SSX2IP: variants seen among roughly 807,000 people sequenced by gnomAD.
SSX2IP encodes SSX family member 2 interacting protein.
Under a neutral mutation model 84.9 loss-of-function variants are expected in SSX2IP, and 55 were observed. The ratio of observed to expected loss-of-function variants is 0.65; its 90% confidence interval spans 0.52 to 0.81. The LOEUF (loss-of-function observed/expected upper bound fraction) is 0.81, where lower values mean the gene tolerates loss of function less well. SSX2IP is among the 30% of genes least tolerant of loss of function. The pLI, the probability that SSX2IP is intolerant of heterozygous loss-of-function variation, is 0.00. For synonymous variants in SSX2IP, 239 were observed against 234.7 expected, an observed-to-expected ratio of 1.02 and a Z score of -0.17; for missense variants, 664 against 705.2, an observed-to-expected ratio of 0.94 and a Z score of 0.66.
chr1:84,679,812 ACT>A (rs1481523289), intron 1 of SSX2IP, among the ~76,000 whole-genome samples: 3 of 152,082 alleles, frequency 2.0e-5, no homozygotes, highest in East Asian at 3.8e-4. Context: ...TCACAACAAC[ACT>A]GTTATTTTTT....
intron 1 of SSX2IP, among the ~76,000 whole-genome samples, chr1:84,688,561 T>C (rs961171948): frequency 1.2e-4 from 18 of 152,218 alleles, no homozygotes; most frequent in Non-Finnish European, 2.2e-4. Flanking sequence ...AAAACCGGTG[T>C]CACGGCCTGC....
chr1:84,662,508 G>A lies in SSX2IP; in HGVS notation c.696C>T (p.Val232=), dbSNP rs776814808. ...KKIAMDILNY[V]GRADGKRGSW... Reference sequence around the variant, plus strand: ...AGCCTCTTTTTCCATCAGCTCTCCCGACATAATTCAAAATGTCCATAGCTA... The same window carrying A: ...AGCCTCTTTTTCCATCAGCTCTCCCAACATAATTCAAAATGTCCATAGCTA... The change falls in exon 7 of 14, where the codon GTC becomes GTT. Residue 232 remains valine (V), a synonymous_variant. Transcript: ENST00000342203. The A allele has an allele frequency of 5.0e-5, 80 of 1,613,740 alleles. No individual in the cohort carries two copies. In the South Asian group the frequency reaches 6.0e-4, roughly 12 times the overall value.
chr1:84,647,344 A>C lies in SSX2IP; in HGVS notation c.*89T>G. On this transcript the variant is annotated 3_prime_UTR_variant, in exon 14 of 14. Coordinates refer to ENST00000342203, the MANE Select transcript of SSX2IP (RefSeq NM_001166293.2). ...ACAACTCAGACCATCTTAAGTTATTAGAGATAACTGACTTTATGACACACC... is the reference window on the plus strand; with the variant it reads ...ACAACTCAGACCATCTTAAGTTATTCGAGATAACTGACTTTATGACACACC... 1.7e-6 allele frequency: 2 copies of C among 1,150,222 alleles called. No homozygotes were observed. The highest frequency in any genetic ancestry group is 1.9e-5 in the South Asian group (1 of 51,846). 71.3% of individuals were successfully genotyped at this position (1,150,222 alleles called of 1,614,324 possible).
chr1:84,683,437 A>C (rs1655360996), intron 1 of SSX2IP, among the ~76,000 whole-genome samples: 1 of 152,214 alleles, frequency 6.6e-6, no homozygotes, highest in Non-Finnish European at 1.5e-5. Context: ...AAAATTTTGA[A>C]AAACCTAGCA....
chr1:84,670,935 A>G (rs950135841), intron 2 of SSX2IP, 120 bp from the exon 3 acceptor site: 2 of 801,676 alleles, frequency 2.5e-6, no homozygotes, highest in African/African-American at 3.5e-5. Context: ...TATAATATAT[A>G]CATACATATT....
intron 11 of SSX2IP, among the ~76,000 whole-genome samples, chr1:84,652,842 G>T (rs1650499665): frequency 6.6e-6 from 1 of 151,798 alleles, no homozygotes. Context: ...TGGCTAACAT[G>T]GTGAAACCCC....
chr1:84,688,174 AAGGCACAATTCTAGGATGTTTTT>A (rs1656054006), intron 1 of SSX2IP, among the ~76,000 whole-genome samples: 1 of 152,194 alleles, frequency 6.6e-6, no homozygotes, highest in Non-Finnish European at 1.5e-5. Flanking sequence ...CCACAATCAA[AAGGCACAATTCTAGGATGTTTTT>A]CATTACTACT....
rs1653268127 is a variant in SSX2IP, at chr1:84,669,721, C to A, written c.386G>T (p.Ser129Ile). Residue 129 changes from serine (S) to isoleucine (I), a missense_variant, in exon 4 of 14, where the codon AGT becomes ATT. By Grantham distance (142) the Ser-to-Ile change is moderately radical. Coordinates refer to ENST00000342203, the MANE Select transcript of SSX2IP (RefSeq NM_001166293.2). Reference protein sequence around the residue: ...NVETQNLKLGSDMDHLQSCYS... With the variant: ...NVETQNLKLGIDMDHLQSCYS... Reference sequence around the variant, plus strand: ...GCAGCTCTGTAGATGGTCCATATCACTTCCCAGCTTCAAATTCTGTGTCTC... The same window carrying A: ...GCAGCTCTGTAGATGGTCCATATCAATTCCCAGCTTCAAATTCTGTGTCTC... 1 of 1,613,630 alleles carries A rather than the reference C, an allele frequency of 6.2e-7. No homozygotes were observed. The highest frequency in any genetic ancestry group is 8.5e-7 in the Non-Finnish European group (1 of 1,179,756).
intron 1 of SSX2IP, among the ~76,000 whole-genome samples, chr1:84,672,340 G>A (rs887920012): frequency 4.6e-5 from 7 of 150,632 alleles, no homozygotes; most frequent in African/African-American, 1.7e-4. Flanking sequence ...GATCTTTGAT[G>A]TTTTTATGAG....
intron 6 of SSX2IP, 27 bp downstream of exon 6, chr1:84,664,390 C>A: frequency 6.4e-7 from 1 of 1,555,604 alleles, no homozygotes. Context: ...TATTTATTCT[C>A]TTAGCTGATC....
intron 10 of SSX2IP, 69 bp downstream of exon 10, chr1:84,656,279 A>C (rs1651108121): frequency 3.4e-6 from 5 of 1,486,150 alleles, no homozygotes; most frequent in Non-Finnish European, 4.6e-6. Flanking sequence ...AAGGAATACA[A>C]ATCTGGTAAG....
At chr1:84,654,115 A>G (rs544210670) in intron 11 of SSX2IP, among the ~76,000 whole-genome samples, 21 of 152,276 alleles carry the variant, frequency 1.4e-4, no homozygotes, top group Middle Eastern at 3.4e-3. Context: ...GTGTCTAACA[A>G]AAGTTCCAGA....
chr1:84,664,814 A>G (rs1358209913), intron 5 of SSX2IP, among the ~76,000 whole-genome samples: 1 of 152,136 alleles, frequency 6.6e-6, no homozygotes, highest in Non-Finnish European at 1.5e-5. Context: ...TAAAAACCAG[A>G]TATTCTTATG....
At chr1:84,684,837 A>T (rs1479805449) in intron 1 of SSX2IP, among the ~76,000 whole-genome samples, 1 of 152,186 alleles carries the variant, frequency 6.6e-6, no homozygotes, top group Non-Finnish European at 1.5e-5. Flanking sequence ...AAAATGAAAA[A>T]ATTTTCAGAA....
chr1:84,655,098 A>G (rs185982565), intron 11 of SSX2IP, among the ~76,000 whole-genome samples: 3 of 152,274 alleles, frequency 2.0e-5, no homozygotes, highest in African/African-American at 7.2e-5. Context: ...AGGAGGTACA[A>G]TAAGGACACA....
chr1:84,665,971 T>C (rs2102376925), intron 5 of SSX2IP, 151 bp downstream of exon 5: 2 of 600,436 alleles, frequency 3.3e-6, no homozygotes, highest in Non-Finnish European at 5.7e-6. Flanking sequence ...TCCAGTTAAA[T>C]ACTATTACAC....
At position 84,647,565 on chromosome 1, in the gene SSX2IP, TG is replaced by T. The variant is rs959857518; in HGVS notation, c.1712del (p.Pro571GlnfsTer31). On this transcript the variant is annotated frameshift_variant, in exon 14 of 14. Transcript: ENST00000342203. LOFTEE classifies it high-confidence loss of function. The part of the protein sequence containing the change: ...VLNITAEEIK[P>X]NQVGGECTNQ... ...TTGTACATTCTCCTCCAACCTGATT[TG>T]GTTTAATTTCTTCAGCAGTTATATT... is the stretch of plus-strand genomic sequence containing the variant. 1 of 1,612,270 alleles carries T rather than the reference TG, an allele frequency of 6.2e-7. No individual in the cohort carries two copies. The highest frequency in any genetic ancestry group is 1.3e-5 in the African/African-American group (1 of 74,846).
At chr1:84,680,462 T>C (rs1654922069) in intron 1 of SSX2IP, 1 of 152,148 alleles carries the variant, frequency 6.6e-6, no homozygotes, top group African/African-American at 2.4e-5. Flanking sequence ...ACCAAATTTC[T>C]TTAATAATTT....
intron 1 of SSX2IP, among the ~76,000 whole-genome samples, chr1:84,688,283 A>G (rs1243467387): frequency 6.6e-6 from 1 of 152,222 alleles, no homozygotes; most frequent in Non-Finnish European, 1.5e-5. Context: ...CTTCACTACT[A>G]GCTAACCATA....
Sources: gnomAD v4.1 joint callset for allele counts (sites outside exome capture counted in the v4.1 genomes callset) on GRCh38, gnomAD v4.1.1 for gene constraint, MANE v1.5 for transcripts, NCBI Gene and HGNC (gene_info 2026-07-23, HGNC 2026-07-21) for gene names.